CMTM4: variants seen among roughly 807,000 people sequenced by gnomAD.
CMTM4 encodes the protein CKLF like MARVEL transmembrane domain containing 4.
A neutral mutation model predicts 19.0 loss-of-function variants in CMTM4; 8 were observed. That is an observed-to-expected ratio of 0.42 (90% confidence interval 0.25 to 0.76). The LOEUF (loss-of-function observed/expected upper bound fraction) is 0.76. Among genes scored for constraint, CMTM4 ranks in the 30% least tolerant of loss-of-function variants. The pLI is 0.27. For synonymous variants in CMTM4, 106 were observed against 121.1 expected (o/e 0.88, Z 0.82); for missense variants, 228 against 290.2 (o/e 0.79, Z 1.56).
In CMTM4 at chr16:66,625,391, G is replaced by A. The variant is rs562140908; in HGVS notation, c.364-1889C>T. Among the ~76,000 whole-genome samples the A allele has an allele frequency of 7.3e-5, 11 of 150,396 alleles. No individual in the cohort carries two copies. In the South Asian group the frequency reaches 1.3e-3, roughly 17 times the overall value. ...GGAGGTTGCAGTGAGCCAAGACTGC[G>A]CCGCTGCACTCCAGCCTAGGCAACA... On this transcript the variant is annotated intron_variant, in intron 2 of 3. Coordinates refer to ENST00000394106, the MANE Select transcript of CMTM4 (RefSeq NM_181521.3).
chr16:66,632,767 T>C (rs910537127), intron 2 of CMTM4, among the ~76,000 whole-genome samples: 2 of 151,968 alleles, frequency 1.3e-5, no homozygotes, highest in African/African-American at 4.8e-5. Flanking sequence ...CATGTGAGTG[T>C]ATGAGCTCCT....
chr16:66,649,746 G>A (rs903752085), intron 1 of CMTM4, among the ~76,000 whole-genome samples: 10 of 152,144 alleles, frequency 6.6e-5, no homozygotes, highest in Admixed American at 5.9e-4. Context: ...CTCCTCATGG[G>A]GGGCAGGGGC....
chr16:66,630,663 G>C (rs2015838346), intron 2 of CMTM4, among the ~76,000 whole-genome samples: 2 of 152,090 alleles, frequency 1.3e-5, no homozygotes, highest in African/African-American at 4.8e-5. Flanking sequence ...AGGCTGGAGT[G>C]CAGTGGCGTG....
intron 2 of CMTM4, among the ~76,000 whole-genome samples, chr16:66,630,647 G>A (rs369455778): frequency 6.6e-6 from 1 of 151,500 alleles, no homozygotes; most frequent in East Asian, 2.0e-4. Flanking sequence ...GTGCTCAATG[G>A]TGCCCAGGCT....
intron 2 of CMTM4, 59 bp downstream of exon 2, chr16:66,636,346 T>C: frequency 7.0e-7 from 1 of 1,421,120 alleles, no homozygotes; most frequent in Non-Finnish European, 9.7e-7. Context: ...ATTCCAGCTT[T>C]TCCTTGGAGC....
In CMTM4 at chr16:66,617,502, A is replaced by G. The variant is rs1182060000; in HGVS notation, c.*4556T>C. Reference sequence around the variant, plus strand: ...GTACAAAATGCCACTCACTTGCATGAAGAAGAATTAAACAGAACATTCACT... The same window carrying G: ...GTACAAAATGCCACTCACTTGCATGGAGAAGAATTAAACAGAACATTCACT... On this transcript the variant is annotated 3_prime_UTR_variant, in exon 4 of 4. Coordinates refer to ENST00000394106, the MANE Select transcript of CMTM4 (RefSeq NM_181521.3). 1 of 1,418,322 alleles carries G rather than the reference A, an allele frequency of 7.1e-7. No homozygotes were observed. The highest frequency in any genetic ancestry group is 9.2e-7 in the Non-Finnish European group (1 of 1,089,834). The allele number at this position is 1,418,322 out of a possible 1,614,324, so 87.9% of individuals were successfully genotyped here.
At chr16:66,675,053 ATTCTT>A (rs1161818349) in intron 1 of CMTM4, among the ~76,000 whole-genome samples, 1 of 145,852 alleles carries the variant, frequency 6.9e-6, no homozygotes, top group East Asian at 2.1e-4. Context: ...GGTGCTACAT[ATTCTT>A]TTCTTTACTT....
intron 1 of CMTM4, among the ~76,000 whole-genome samples, chr16:66,650,723 T>C (rs1343439731): frequency 6.6e-6 from 1 of 152,208 alleles, no homozygotes; most frequent in African/African-American, 2.4e-5. Context: ...CTTAACACTT[T>C]GCACAGCCAT....
chr16:66,684,567 G>A (rs1033722948), intron 1 of CMTM4, among the ~76,000 whole-genome samples: 4 of 151,682 alleles, frequency 2.6e-5, no homozygotes, highest in African/African-American at 4.9e-5. Context: ...CCCCCATCTC[G>A]AGAAAAGGCC....
intron 3 of CMTM4, among the ~76,000 whole-genome samples, chr16:66,623,185 C>T (rs979702745): frequency 6.6e-6 from 1 of 152,190 alleles, no homozygotes; most frequent in Admixed American, 6.5e-5. Context: ...AGCTCTGGAG[C>T]GGAGCCTAAG....
In CMTM4 at chr16:66,633,556, G is replaced by A. The variant is rs540614886; in HGVS notation, c.363+2849C>T. Reference sequence around the variant, plus strand: ...ATCTTGGCAGGGTGCAGTGGCTCACGCCTGTAACCTCAGCACTTTGGGAGG... The same window carrying A: ...ATCTTGGCAGGGTGCAGTGGCTCACACCTGTAACCTCAGCACTTTGGGAGG... On this transcript the variant is annotated intron_variant, in intron 2 of 3. Coordinates refer to ENST00000394106, the MANE Select transcript of CMTM4 (RefSeq NM_181521.3). 1.2e-4 allele frequency among the ~76,000 whole-genome samples: 18 copies of A among 152,174 alleles called. 1 individual carries two copies. The East Asian group carries it at 3.5e-3, about 29-fold the overall frequency.
At chr16:66,598,482 T>C in the CMTM4 span, among the ~76,000 whole-genome samples, 26,843 of 152,164 alleles carry the variant, frequency 0.18, 2,883 homozygotes, top group African/African-American at 0.27. Flanking sequence ...TGTAAGTATA[T>C]AGTTTGATGT....
At chr16:66,649,451 TATCTATCC>T (rs557557287) in intron 1 of CMTM4, among the ~76,000 whole-genome samples, 52 of 118,668 alleles carry the variant, frequency 4.4e-4, no homozygotes, top group African/African-American at 2.0e-3. Context: ...TCCTTCTCTC[TATCTATCC>T]ATCTATCTAT....
Position 66,625,057 on chromosome 16 carries a change from C to T in CMTM4, c.364-1555G>A, listed in dbSNP as rs1416667822. ...ACTATTCAGAAACGAGGGGAAAATA[C>T]AATACACTGTGAGGTCAAACATCAA... On this transcript the variant is annotated intron_variant, in intron 2 of 3. Coordinates refer to ENST00000394106, the MANE Select transcript of CMTM4 (RefSeq NM_181521.3). Among the ~76,000 whole-genome samples the T allele has an allele frequency of 3.3e-5, 5 of 152,296 alleles. No homozygotes were observed. The East Asian group carries it at 9.7e-4, about 29-fold the overall frequency.
intron 1 of CMTM4, among the ~76,000 whole-genome samples, chr16:66,640,712 T>G (rs1469422703): frequency 6.6e-6 from 1 of 152,150 alleles, no homozygotes; most frequent in Non-Finnish European, 1.5e-5. Flanking sequence ...AGAAATGACT[T>G]CACAGGTGTG....
intron 1 of CMTM4, among the ~76,000 whole-genome samples, chr16:66,668,913 G>A (rs2016653440): frequency 3.9e-5 from 6 of 152,154 alleles, no homozygotes. Flanking sequence ...GTATAGCTAC[G>A]CTGGAAAACT....
chr16:66,691,321 C>T (rs975208054), intron 1 of CMTM4, among the ~76,000 whole-genome samples: 1 of 152,036 alleles, frequency 6.6e-6, no homozygotes, highest in African/African-American at 2.4e-5. Context: ...AAAAAATTCA[C>T]ACAAGGAGGA....
At chr16:66,663,422 C>T (rs1325208435) in intron 1 of CMTM4, among the ~76,000 whole-genome samples, 3 of 151,612 alleles carry the variant, frequency 2.0e-5, no homozygotes, top group African/African-American at 7.3e-5. Flanking sequence ...GGGAGGATTA[C>T]TGGAGCCCAG....
intron 1 of CMTM4, among the ~76,000 whole-genome samples, chr16:66,655,114 GC>G (rs2016374673): frequency 6.6e-6 from 1 of 151,984 alleles, no homozygotes; most frequent in African/African-American, 2.4e-5. Flanking sequence ...CTCCCAAGCA[GC>G]TGGTACCACA....
Sources: allele counts gnomAD v4.1 joint callset (sites outside exome capture counted in the v4.1 genomes callset), GRCh38; gene constraint gnomAD v4.1.1; transcripts MANE v1.5; gene names NCBI Gene and HGNC (gene_info 2026-07-23, HGNC 2026-07-21).